Variants in RFT1 observed in about 807,000 individuals in gnomAD.
RFT1 encodes RFT1 glycolipid translocator homolog.
A neutral mutation model predicts 62.2 loss-of-function variants in RFT1; 43 were observed. The observed-to-expected ratio is 0.69, with a 90% CI of 0.54 to 0.89. The LOEUF is 0.89. Ranked by LOEUF, RFT1 falls within the 40% of genes least tolerant of loss-of-function variation. The probability of loss-of-function intolerance (pLI) is 0.00; values close to 1 mark genes in which losing one functional copy is unlikely to be tolerated. For synonymous variants in RFT1, 262 were observed against 264.6 expected, an observed-to-expected ratio of 0.99 and a Z score of 0.10; for missense variants, 605 against 649.9, an observed-to-expected ratio of 0.93 and a Z score of 0.75.
At chr3:53,107,821 G>C (rs72965401) in intron 7 of RFT1, among the ~76,000 whole-genome samples, 4,882 of 152,178 alleles carry the variant, frequency 0.032, 295 homozygotes, top group African/African-American at 0.11. Context: ...CGCCCTGAAG[G>C]GCAAATTCTC....
rs932872252 is a variant in RFT1, at chr3:53,090,840, G to C, written c.*1063C>G. 1 of 152,204 alleles carries C rather than the reference G, an allele frequency of 6.6e-6. No homozygotes were observed. The highest frequency in any genetic ancestry group is 1.5e-5 in the Non-Finnish European group (1 of 68,048). 9.4% of individuals were successfully genotyped at this position (152,204 alleles called of 1,614,324 possible). On this transcript the variant is annotated 3_prime_UTR_variant, in exon 13 of 13. Transcript: ENST00000296292. Reference sequence around the variant, plus strand: ...TCACCTGCAGTGTGCAGGCTGCAAGGTGCAGAACACCTGGGCTCACACTGT... The same window carrying C: ...TCACCTGCAGTGTGCAGGCTGCAAGCTGCAGAACACCTGGGCTCACACTGT...
Position 53,121,808 on chromosome 3 carries a change from C to T in RFT1, c.457-8G>A. 1.2e-6 allele frequency: 2 copies of T among 1,608,006 alleles called. No individual in the cohort carries two copies. The highest frequency in any genetic ancestry group is 1.1e-5 in the South Asian group (1 of 90,736). ...CAGGCTCTCTGCAATCACCTGCAAA[C>T]ATGTGGTTAAGGTGCAGTTTACAAA... On this transcript the variant is annotated splice_region_variant and splice_polypyrimidine_tract_variant and intron_variant, in intron 4 of 12. Coordinates refer to ENST00000296292, the MANE Select transcript of RFT1 (RefSeq NM_052859.4).
intron 11 of RFT1, among the ~76,000 whole-genome samples, chr3:53,098,654 T>C (rs1039165698): frequency 6.6e-6 from 1 of 151,594 alleles, no homozygotes; most frequent in African/African-American, 2.4e-5. Context: ...TACAAAAAAT[T>C]AGCCAGGCAT....
At chr3:53,098,215 A>T (rs994402010) in intron 11 of RFT1, among the ~76,000 whole-genome samples, 1 of 152,218 alleles carries the variant, frequency 6.6e-6, no homozygotes, top group Non-Finnish European at 1.5e-5. Context: ...GCTGTGTAAT[A>T]AACAGATTCC....
At chr3:53,085,937 C>A (rs1181475906), downstream of RFT1, 1 of 152,180 alleles carries the variant, frequency 6.6e-6, no homozygotes, top group Non-Finnish European at 1.5e-5. Flanking sequence ...CCCATCTTCC[C>A]AATTGTGCTC....
At chr3:53,103,022 C>T in intron 10 of RFT1, 1 of 824,672 alleles carries the variant, frequency 1.2e-6, no homozygotes, top group Non-Finnish European at 1.5e-6. Context: ...AAATACACTT[C>T]TCACAGCACA....
intron 9 of RFT1, among the ~76,000 whole-genome samples, chr3:53,104,769 G>C (rs1242209873): frequency 6.6e-6 from 1 of 152,218 alleles, no homozygotes; most frequent in African/African-American, 2.4e-5. Flanking sequence ...AGAAAAGTCA[G>C]ACATTTTCAG....
chr3:53,115,613 A>G (rs1378961883), intron 6 of RFT1, among the ~76,000 whole-genome samples: 1 of 152,132 alleles, frequency 6.6e-6, no homozygotes, highest in Non-Finnish European at 1.5e-5. Context: ...TACATTCCCA[A>G]TTCCAACACA....
intron 6 of RFT1, among the ~76,000 whole-genome samples, chr3:53,116,253 T>C (rs1334495103): frequency 1.7e-4 from 26 of 151,452 alleles, no homozygotes. Context: ...CATGGTAAAG[T>C]CATACACTGC....
chr3:53,106,237 A>T (rs1053654099), intron 8 of RFT1, among the ~76,000 whole-genome samples: 2 of 152,168 alleles, frequency 1.3e-5, no homozygotes, highest in African/African-American at 4.8e-5. Flanking sequence ...TGTCTCAAAA[A>T]ATAAAAAATA....
the RFT1 span, among the ~76,000 whole-genome samples, chr3:53,081,725 C>A: frequency 6.6e-6 from 1 of 152,276 alleles, no homozygotes; most frequent in African/African-American, 2.4e-5. Context: ...CTGGGATATA[C>A]AAAACCTTTT....
At chr3:53,117,780 T>C (rs554606765) in intron 6 of RFT1, among the ~76,000 whole-genome samples, 22 of 152,346 alleles carry the variant, frequency 1.4e-4, no homozygotes, top group African/African-American at 4.1e-4. Flanking sequence ...AGACCTTACA[T>C]GCCCCAACTC....
chr3:53,099,005 T>C (rs904803048), intron 11 of RFT1, among the ~76,000 whole-genome samples: 7 of 152,124 alleles, frequency 4.6e-5, no homozygotes, highest in African/African-American at 1.7e-4. Flanking sequence ...AATGTGCATC[T>C]TGAAGAAGCT....
rs1019305907 is a variant in RFT1, at chr3:53,127,215, G to A, written c.64-1221C>T. Among the ~76,000 whole-genome samples the A allele has an allele frequency of 4.6e-5, 7 of 151,930 alleles. No individual in the cohort carries two copies. The South Asian group carries it at 1.2e-3, about 27-fold the overall frequency. On this transcript the variant is annotated intron_variant, in intron 1 of 12. Transcript: ENST00000296292. The stretch of plus-strand genomic sequence containing the variant: ...GTGGATCAACTGAGGTCAGGAGTTC[G>A]AGACCTGCCTGACTAACATGGTGAA...
rs1702034545 is a variant in RFT1, at chr3:53,123,816, G to C, written c.174C>G (p.Thr58=). 1 of 1,613,994 alleles carries C rather than the reference G, an allele frequency of 6.2e-7. No individual in the cohort carries two copies. Among genetic ancestry groups the C allele is most frequent in the South Asian group, 1.1e-5 (1 of 91,082 alleles). The change falls in exon 3 of 13, where the codon ACC becomes ACG. Residue 58 remains threonine (T), a synonymous_variant. Coordinates refer to ENST00000296292, the MANE Select transcript of RFT1 (RefSeq NM_052859.4). ...NVRLTLLYST[T]LFLAREAFRR... Reference sequence around the variant, plus strand: ...GGAAGGCCTCTCTGGCCAGGAAGAGGGTGGTTGAGTAAAGCAGCGTTAGTC... The same window carrying C: ...GGAAGGCCTCTCTGGCCAGGAAGAGCGTGGTTGAGTAAAGCAGCGTTAGTC...
chr3:53,102,334 A>C (rs2107104006), intron 10 of RFT1, among the ~76,000 whole-genome samples: 1 of 152,360 alleles, frequency 6.6e-6, no homozygotes, highest in South Asian at 2.1e-4. Flanking sequence ...GTTTAAAGCC[A>C]CGCAGTCTGT....
At chr3:53,105,042 C>T (rs2564943) in intron 9 of RFT1, among the ~76,000 whole-genome samples, 149,869 of 152,368 alleles carry the variant, frequency 0.98, 73,760 homozygotes, top group Middle Eastern at 1. Flanking sequence ...AGCATTCTTA[C>T]GCCTAAGACT....
downstream of RFT1, among the ~76,000 whole-genome samples, chr3:53,087,545 T>TG (rs1211338168): frequency 6.6e-6 from 1 of 151,028 alleles, no homozygotes; most frequent in Non-Finnish European, 1.5e-5. Flanking sequence ...TTTTTTGGAG[T>TG]GGGGGGACAG....
rs141969837 is a variant in RFT1 at position 53,110,958 on chromosome 3, A to T, written c.775+872T>A. On this transcript the variant is annotated intron_variant, in intron 7 of 12. Coordinates refer to ENST00000296292, the MANE Select transcript of RFT1 (RefSeq NM_052859.4). Reference sequence around the variant, plus strand: ...GCTTCCAGCCCCTTGCTGGCCCTCCACATTGAGAGCTCTGTCGTAGGTAAA... The same window carrying T: ...GCTTCCAGCCCCTTGCTGGCCCTCCTCATTGAGAGCTCTGTCGTAGGTAAA... Among the ~76,000 whole-genome samples the T allele has an allele frequency of 7.4e-4, 113 of 152,316 alleles. 1 individual carries two copies. The highest frequency in any genetic ancestry group is 2.2e-3 in the African/African-American group (93 of 41,574).
Sources: allele counts gnomAD v4.1 joint callset (sites outside exome capture counted in the v4.1 genomes callset), GRCh38; gene constraint gnomAD v4.1.1; transcripts MANE v1.5; gene names NCBI Gene and HGNC (gene_info 2026-07-23, HGNC 2026-07-21).